Variants in TMPRSS12 observed in about 807,000 individuals in gnomAD.
TMPRSS12 encodes the protein transmembrane serine protease 12, also known as transmembrane protease serine 12.
A neutral mutation model predicts 26.0 loss-of-function variants in TMPRSS12; 25 were observed. The ratio of observed to expected loss-of-function variants is 0.96; its 90% CI spans 0.70 to 1.34. The LOEUF (loss-of-function observed/expected upper bound fraction) is 1.34. Among genes scored for constraint, TMPRSS12 ranks in the 40% most tolerant of loss-of-function variants. The pLI is 0.00. For missense variants in TMPRSS12, 441 were observed against 440.1 expected (o/e 1.00, Z -0.02); for synonymous variants, 150 against 161.7 (o/e 0.93, Z 0.55).
At chr12:50,866,605 C>T (rs1937993327) in intron 3 of TMPRSS12, among the ~76,000 whole-genome samples, 1 of 151,908 alleles carries the variant, frequency 6.6e-6, no homozygotes, top group African/African-American at 2.4e-5. Flanking sequence ...CTGTCCACCA[C>T]TGGTTTCTCT....
At chr12:50,852,464 G>A (rs554044954) in intron 2 of TMPRSS12, among the ~76,000 whole-genome samples, 10 of 152,318 alleles carry the variant, frequency 6.6e-5, no homozygotes, top group African/African-American at 2.4e-4. Context: ...AGGCTGGAGT[G>A]CAGTGGCACA....
At chr12:50,859,186 C>T in intron 3 of TMPRSS12, 133 bp downstream of exon 3, 1 of 687,884 alleles carries the variant, frequency 1.5e-6, no homozygotes, top group South Asian at 2.7e-5. Context: ...CGATGGTGGT[C>T]TATAAGATTA....
At position 50,872,628 on chromosome 12, in the gene TMPRSS12, CAT is replaced by C. The variant is rs1408990275; in HGVS notation, c.653-12611_653-12610del. 4.1e-5 allele frequency among the ~76,000 whole-genome samples: 4 copies of C among 97,934 alleles called. 1 individual carries two copies. Among genetic ancestry groups the C allele is most frequent in the Non-Finnish European group, 6.4e-5 (3 of 46,944 alleles). The allele number at this position is 97,934 out of a possible 152,430, so 64.2% of individuals were successfully genotyped here. The stretch of plus-strand genomic sequence containing the variant: ...TACATATATATGACGTATATATGTA[CAT>C]ATATATGACGTATATGTACATATAT... On this transcript the variant is annotated intron_variant, in intron 3 of 4. Transcript: ENST00000398458.
intron 3 of TMPRSS12, among the ~76,000 whole-genome samples, chr12:50,872,955 A>G (rs954839038): frequency 4.3e-5 from 6 of 139,474 alleles, no homozygotes; most frequent in East Asian, 4.0e-4. Flanking sequence ...TATATGACGT[A>G]TATATATGTA....
chr12:50,887,802 C>A lies in TMPRSS12; in HGVS notation c.*289C>A. On this transcript the variant is annotated 3_prime_UTR_variant, in exon 5 of 5. Coordinates refer to ENST00000398458, the MANE Select transcript of TMPRSS12 (RefSeq NM_182559.3). The stretch of plus-strand genomic sequence containing the variant: ...AACATATATTTTATGTGTATAAATG[C>A]CAAATAATAGTTTATAATTAAAATG... 1 of 216,214 alleles carries A rather than the reference C, an allele frequency of 4.6e-6. No individual in the cohort carries two copies. The highest frequency in any genetic ancestry group is 9.0e-6 in the Non-Finnish European group (1 of 111,514). The allele number at this position is 216,214 out of a possible 1,614,324, so 13.4% of individuals were successfully genotyped here.
rs747777495 is a variant in TMPRSS12 at position 50,878,755 on chromosome 12, G to GA, written c.653-6483dup. Among the ~76,000 whole-genome samples, 11 of 151,664 alleles carry GA rather than the reference G, an allele frequency of 7.3e-5. No individual in the cohort carries two copies. The South Asian group carries it at 1.9e-3, about 26-fold the overall frequency. On this transcript the variant is annotated intron_variant, in intron 3 of 4. Coordinates refer to ENST00000398458, the MANE Select transcript of TMPRSS12 (RefSeq NM_182559.3). The stretch of plus-strand genomic sequence containing the variant: ...GGACAACTGGATATCCTTACGCCGC[G>GA]AAAAAAAACCCTTGGAGCTTTTCTC...
rs543392636 is a variant in TMPRSS12, at chr12:50,862,646, G to A, written c.652+3593G>A. Reference sequence around the variant, plus strand: ...ATTCAAACAATTCTTGTGCCTCAGCGTCTCCAGTAGCTGGGATTACAGAGG... The same window carrying A: ...ATTCAAACAATTCTTGTGCCTCAGCATCTCCAGTAGCTGGGATTACAGAGG... On this transcript the variant is annotated intron_variant, in intron 3 of 4. Coordinates refer to ENST00000398458, the MANE Select transcript of TMPRSS12 (RefSeq NM_182559.3). 9.9e-5 allele frequency among the ~76,000 whole-genome samples: 15 copies of A among 151,968 alleles called. No individual in the cohort carries two copies. The South Asian group carries it at 1.0e-3, about 11-fold the overall frequency.
intron 3 of TMPRSS12, among the ~76,000 whole-genome samples, chr12:50,879,675 A>T (rs1938146322): frequency 6.6e-6 from 1 of 152,182 alleles, no homozygotes. Context: ...TTAAGGAAAA[A>T]TTTGTTTTAA....
intron 1 of TMPRSS12, 21 bp from the exon 2 acceptor site, chr12:50,843,821 A>G (rs1297410477): frequency 1.3e-6 from 2 of 1,548,656 alleles, no homozygotes; most frequent in Admixed American, 3.9e-5. Flanking sequence ...AGTCCAAATA[A>G]TATATCATTT....
chr12:50,858,437 G>T (rs1037525279), intron 2 of TMPRSS12, among the ~76,000 whole-genome samples: 7 of 152,104 alleles, frequency 4.6e-5, no homozygotes, highest in Non-Finnish European at 7.4e-5. Context: ...AGTTTATTTT[G>T]GTGTTTAGTG....
At chr12:50,873,426 T>A in intron 3 of TMPRSS12, among the ~76,000 whole-genome samples, 1 of 152,280 alleles carries the variant, frequency 6.6e-6, no homozygotes, top group East Asian at 1.9e-4. Context: ...CAATTGTGTA[T>A]CCAGCAAAAC....
chr12:50,853,500 CA>C (rs199639421), intron 2 of TMPRSS12, among the ~76,000 whole-genome samples: 10,699 of 110,072 alleles, frequency 0.097, 426 homozygotes, highest in Middle Eastern at 0.18. Context: ...AATTGTGACA[CA>C]AAAAAACATA....
intron 2 of TMPRSS12, among the ~76,000 whole-genome samples, chr12:50,858,003 G>A (rs1288154268): frequency 1.3e-5 from 2 of 151,864 alleles, no homozygotes; most frequent in African/African-American, 4.8e-5. Context: ...TAATTTTTTT[G>A]TTGTTGTTTT....
chr12:50,866,548 C>T (rs1314710946), intron 3 of TMPRSS12, among the ~76,000 whole-genome samples: 2 of 151,896 alleles, frequency 1.3e-5, no homozygotes, highest in African/African-American at 4.8e-5. Flanking sequence ...CCTACCCACC[C>T]TGGTTGCTGA....
chr12:50,859,064 T>G lies in TMPRSS12; in HGVS notation c.652+11T>G. 6.4e-7 allele frequency: 1 copy of G among 1,559,904 alleles called. No individual in the cohort carries two copies. Among genetic ancestry groups the G allele is most frequent in the Non-Finnish European group, 8.6e-7 (1 of 1,157,270 alleles). On this transcript the variant is annotated intron_variant, in intron 3 of 4. Transcript: ENST00000398458. ...GAACAAAAGAAGAAGGTAATTATGG[T>G]CTGAATTTTACTGATACACATTTTC...
rs189476712 is a variant in TMPRSS12 at position 50,843,512 on chromosome 12, T to C, written c.188-330T>C. Among the ~76,000 whole-genome samples the C allele has an allele frequency of 1.3e-4, 20 of 152,324 alleles. No individual in the cohort carries two copies. The East Asian group carries it at 3.9e-3, about 29-fold the overall frequency. ...TGGTGAGCATTAGAATTTGCGGCTC[T>C]CGACTCACCGTTCCCAGGCTCTTTA... On this transcript the variant is annotated intron_variant, in intron 1 of 4. Coordinates refer to ENST00000398458, the MANE Select transcript of TMPRSS12 (RefSeq NM_182559.3).
rs1937764829 is a variant in TMPRSS12 at position 50,846,159 on chromosome 12, T to C, written c.383+2122T>C. ...TTTTGATGAAGTCAAATTTATCTAT[T>C]TTTTTTCTTTTGTTGCCTGTGTTTC... On this transcript the variant is annotated intron_variant, in intron 2 of 4. Coordinates refer to ENST00000398458, the MANE Select transcript of TMPRSS12 (RefSeq NM_182559.3). Among the ~76,000 whole-genome samples the C allele has an allele frequency of 2.0e-5, 3 of 152,262 alleles. No homozygotes were observed. In the South Asian group the frequency reaches 6.2e-4, roughly 32 times the overall value.
chr12:50,865,497 A>G (rs948706790), intron 3 of TMPRSS12, among the ~76,000 whole-genome samples: 2 of 152,208 alleles, frequency 1.3e-5, no homozygotes, highest in Non-Finnish European at 2.9e-5. Context: ...ATAGAATGAG[A>G]AAATCTAATA....
chr12:50,855,311 C>G (rs907792842), intron 2 of TMPRSS12, among the ~76,000 whole-genome samples: 3 of 152,102 alleles, frequency 2.0e-5, no homozygotes, highest in Non-Finnish European at 2.9e-5. Context: ...ATGAACTATG[C>G]ATTCAGTAAA....
Sources: allele counts gnomAD v4.1 joint callset (sites outside exome capture counted in the v4.1 genomes callset), GRCh38; gene constraint gnomAD v4.1.1; transcripts MANE v1.5; gene names NCBI Gene and HGNC (gene_info 2026-07-23, HGNC 2026-07-21).